Variants in ZAN observed in about 807,000 individuals in gnomAD.
ZAN encodes the protein zonadhesin (gene/pseudogene).
In ZAN, 260 loss-of-function variants were observed where a neutral mutation model predicts 286.2. That is an observed-to-expected ratio of 0.91 (90% confidence interval 0.82 to 1.01). The LOEUF (loss-of-function observed/expected upper bound fraction) is 1.01. ZAN is among the 50% of genes least tolerant of loss of function. The pLI is 0.00. For synonymous variants in ZAN, 1,368 were observed against 1,417.5 expected (o/e 0.97, Z 0.79); for missense variants, 3,410 against 3,639.2 (o/e 0.94, Z 1.62).
Position 100,767,050 on chromosome 7 carries a change from G to T in ZAN, c.4653G>T (p.Leu1551=), listed in dbSNP as rs1393597731. Residue 1551 remains leucine (L), a synonymous_variant, in exon 25 of 48, where the codon CTG becomes CTT. Transcript: ENST00000613979. ...TCTASGDPHY[L]TFDGALHHFM... ...CAGCCTCGGGTGACCCCCACTACCT[G>T]ACCTTCGATGGCGCCTTGCACCACT... 1 of 1,613,820 alleles carries T rather than the reference G, an allele frequency of 6.2e-7. No homozygotes were observed. The highest frequency in any genetic ancestry group is 8.5e-7 in the Non-Finnish European group (1 of 1,179,858).
rs1195520180 is a variant in ZAN, at chr7:100,794,221, C to A, written c.8088C>A (p.Val2696=). 1.2e-6 allele frequency: 2 copies of A among 1,612,586 alleles called. No homozygotes were observed. The highest frequency in any genetic ancestry group is 2.7e-5 in the African/African-American group (2 of 74,894). The change falls in exon 44 of 48, where the codon GTC becomes GTA. Residue 2696 remains valine (V), a synonymous_variant. Coordinates refer to ENST00000613979, the MANE Select transcript of ZAN (RefSeq NM_003386.3). ...CCTTCAGCTGCAGAGCGGGGGAGGT[C>A]TGCACCCTGGGGAACCACACCCAAG... ...CEPFSCRAGE[V]CTLGNHTQGC...
chr7:100,772,120 G>A (rs2116113390), intron 29 of ZAN, 100 bp downstream of exon 29: 1 of 1,342,446 alleles, frequency 7.4e-7, no homozygotes, highest in Admixed American at 2.9e-5. Flanking sequence ...TTGAGACGGA[G>A]TCTCACTCTG....
rs769893469 is a variant in ZAN at position 100,788,089 on chromosome 7, A to C, written c.7180A>C (p.Thr2394Pro). The change falls in exon 38 of 48, where the codon ACC becomes CCC. Residue 2394 changes from threonine (T) to proline (P), a missense_variant. Around this residue, in one of 7 missense-constraint regions of ZAN, gnomAD observed 1,289 missense variants for 1,314.3 expected, o/e 0.98. Transcript: ENST00000613979. ...SSIFLQEVIT[T>P]VYGYKVQLQA... Reference sequence around the variant, plus strand: ...CATCTTCTTGCAGGAAGTGATTACCACCGTCTACGGCTATAAAGTGCAGCT... The same window carrying C: ...CATCTTCTTGCAGGAAGTGATTACCCCCGTCTACGGCTATAAAGTGCAGCT... The C allele has an allele frequency of 6.4e-6, 10 of 1,574,254 alleles. No individual in the cohort carries two copies. The East Asian group carries it at 2.2e-4, about 35-fold the overall frequency.
rs764115734 is a variant in ZAN, at chr7:100,736,624, A to T, written c.248A>T (p.Asn83Ile). Residue 83 changes from asparagine to isoleucine, a missense_variant, in exon 4 of 48, where the codon AAC (asparagine) becomes ATC (isoleucine). Asn to Ile is a moderately radical substitution (Grantham distance 149). This residue lies in a region of ZAN where 872 missense variants were observed against 938.9 expected (regional missense o/e 0.93). Coordinates refer to ENST00000613979, the MANE Select transcript of ZAN (RefSeq NM_003386.3). ...ACCGGGGCCCCCGGGGGGTACCCTA[A>T]CGGAGGTGAGGGGCTATGGTTTCCA... ...GSTGAPGGYP[N>I]GEGSYLHMES... The T allele has an allele frequency of 1.3e-6, 2 of 1,522,394 alleles. No individual in the cohort carries two copies. The highest frequency in any genetic ancestry group is 3.5e-5 in the Admixed American group (2 of 57,474). 94.3% of individuals were successfully genotyped at this position (1,522,394 alleles called of 1,614,324 possible).
intron 23 of ZAN, among the ~76,000 whole-genome samples, 194 bp downstream of exon 23, chr7:100,765,748 A>C (rs1169277943): frequency 6.6e-6 from 1 of 152,038 alleles, no homozygotes; most frequent in East Asian, 1.9e-4. Flanking sequence ...TCCTGGGTTC[A>C]AGTGATTCTC....
In ZAN at chr7:100,739,909, C is replaced by T. The variant is rs191166035; in HGVS notation, c.766+1296C>T. Among the ~76,000 whole-genome samples the T allele has an allele frequency of 3.8e-4, 52 of 136,790 alleles. 14 individuals carry two copies. Among genetic ancestry groups the T allele is most frequent in the Non-Finnish European group, 6.0e-4 (37 of 61,412 alleles). The allele number at this position is 136,790 out of a possible 152,430, so 89.7% of individuals were successfully genotyped here. ...CTGACCTCAGGTGATCCGGCCACCT[C>T]GGCCTCCCAAAGTGCTGGGATTATA... On this transcript the variant is annotated intron_variant, in intron 7 of 47. Coordinates refer to ENST00000613979, the MANE Select transcript of ZAN (RefSeq NM_003386.3).
At chr7:100,767,579 G>T (rs1562939233) in intron 25 of ZAN, among the ~76,000 whole-genome samples, 1 of 146,410 alleles carries the variant, frequency 6.8e-6, no homozygotes, top group Admixed American at 7.1e-5. Context: ...GGGCTCAAGT[G>T]ATCCTCCCAC....
rs1158526891 is a variant in ZAN at position 100,750,680 on chromosome 7, C to T, written c.1305C>T (p.Val435=). 6.2e-7 allele frequency: 1 copy of T among 1,613,388 alleles called. No homozygotes were observed. Among genetic ancestry groups the T allele is most frequent in the Non-Finnish European group, 8.5e-7 (1 of 1,179,678 alleles). ...AGTTCTCCCAGGCAGGCCAGTCAGT[C>T]AGACTGGTGAGCCGGCCCTTCTGCG... ...ADEFSQAGQS[V]RLVSRPFCAP... The change falls in exon 12 of 48, where the codon GTC becomes GTT. Residue 435 remains valine, a synonymous_variant. Transcript: ENST00000613979.
rs1303496609 is a variant in ZAN at position 100,736,682 on chromosome 7, G to A, written c.253+53G>A. On this transcript the variant is annotated intron_variant, in intron 4 of 47. Coordinates refer to ENST00000613979, the MANE Select transcript of ZAN (RefSeq NM_003386.3). ...ATGAGCAGGGAGGTGGCTGGGAGGCGGGAGTGGCTAGATGGAGAGAGAAGG... is the reference window on the plus strand; with the variant it reads ...ATGAGCAGGGAGGTGGCTGGGAGGCAGGAGTGGCTAGATGGAGAGAGAAGG... 16 of 1,508,204 alleles carry A rather than the reference G, an allele frequency of 1.1e-5. 1 individual carries two copies. Among genetic ancestry groups the A allele is most frequent in the Middle Eastern group, 1.8e-4 (1 of 5,626 alleles). The allele number at this position is 1,508,204 out of a possible 1,614,324, so 93.4% of individuals were successfully genotyped here. A position where few individuals can be genotyped will look rare whatever the true frequency, so the allele number is the denominator to read the frequency against.
chr7:100,784,687 G>C lies in ZAN; in HGVS notation c.6687G>C (p.Trp2229Cys). ...TTCCCTCCTGCTCACCCTCCTGCTG[G>C]GACCTGGATGGCCGGTGTGAGGGCG... ...NCLPSCSPSC[W>C]DLDGRCEGAK... Residue 2229 changes from tryptophan to cysteine, a missense_variant, in exon 36 of 48, where the codon TGG becomes TGC. Transcript: ENST00000613979. 6.2e-7 allele frequency: 1 copy of C among 1,613,908 alleles called. No homozygotes were observed. The highest frequency in any genetic ancestry group is 8.5e-7 in the Non-Finnish European group (1 of 1,179,882).
chr7:100,747,471 C>A, intron 8 of ZAN, 79 bp from the exon 9 acceptor site: 1 of 1,201,758 alleles, frequency 8.3e-7, no homozygotes, highest in East Asian at 2.3e-5. Context: ...CCCTCTGCTC[C>A]TCATCCTCCT....
intron 15 of ZAN, among the ~76,000 whole-genome samples, chr7:100,757,033 G>A (rs181893280): frequency 8.5e-5 from 13 of 152,328 alleles, no homozygotes; most frequent in Non-Finnish European, 4.4e-5. Flanking sequence ...CTTCCAAAGT[G>A]TTGGGATTAC....
At chr7:100,748,607 C>T in intron 11 of ZAN, 137 bp downstream of exon 11, 2 of 1,212,606 alleles carry the variant, frequency 1.6e-6, no homozygotes, top group Non-Finnish European at 1.1e-6. Context: ...TCGGAAGTTT[C>T]CATGGTACTG....
At position 100,773,477 on chromosome 7, in the gene ZAN, C is replaced by T. The variant is rs2734880; in HGVS notation, c.5618C>T (p.Ala1873Val). 1.6e-3 allele frequency: 2,502 copies of T among 1,613,068 alleles called. 6 individuals are homozygous for T. Among genetic ancestry groups the T allele is most frequent in the Non-Finnish European group, 1.6e-3 (1,903 of 1,179,564 alleles). ...GGCCAGTGTGGCTGCACTGACCCAG[C>T]GGGCTCCTACCACCCGGTGAGAGGC... is the stretch of plus-strand genomic sequence containing the variant. ...PLGQCGCTDP[A>V]GSYHPVGERW... Residue 1873 changes from alanine to valine, a missense_variant, in exon 30 of 48, where the codon GCG (alanine) becomes GTG (valine). Physicochemically the swap from Ala to Val is moderately conservative, Grantham distance 64. Coordinates refer to ENST00000613979, the MANE Select transcript of ZAN (RefSeq NM_003386.3).
intron 28 of ZAN, among the ~76,000 whole-genome samples, chr7:100,771,062 C>T (rs1810338925): frequency 6.6e-6 from 1 of 152,098 alleles, no homozygotes; most frequent in African/African-American, 2.4e-5. Context: ...CCTTGGCCTC[C>T]CAAAGTGCTG....
Position 100,758,305 on chromosome 7 carries a change from G to T in ZAN, c.3413G>T (p.Cys1138Phe). ...TCTCAGTGTGGGACACACACCGTGT[G>T]CCAGCTTAAGAATGGCCAGTATGGA... ...QISQCGTHTV[C>F]QLKNGQYGCH... is the part of the protein sequence containing the mutation. Residue 1138 changes from cysteine to phenylalanine, a missense_variant, in exon 16 of 48, where the codon TGC becomes TTC. Physicochemically the swap from Cys to Phe is radical, Grantham distance 205 (BLOSUM62 -2). This residue lies in a region of ZAN where 1,042 missense variants were observed against 1,058.0 expected (regional missense o/e 0.98). Transcript: ENST00000613979. 6.2e-7 allele frequency: 1 copy of T among 1,613,350 alleles called. No individual in the cohort carries two copies. The highest frequency in any genetic ancestry group is 8.5e-7 in the Non-Finnish European group (1 of 1,179,874).
At chr7:100,772,252 T>G (rs314296) in intron 29 of ZAN, among the ~76,000 whole-genome samples, 1 of 149,916 alleles carries the variant, frequency 6.7e-6, no homozygotes, top group African/African-American at 2.5e-5. Flanking sequence ...GTCAACATGG[T>G]GAAACCCCGT....
In ZAN at chr7:100,776,479, G is replaced by A. The variant is rs776224819; in HGVS notation, c.6232G>A (p.Asp2078Asn). Reference sequence around the variant, plus strand: ...TGGGAACTTCAATGATGAGGAAGAGGACGAACTAATGATGCCCAGCGATGA... The same window carrying A: ...TGGGAACTTCAATGATGAGGAAGAGAACGAACTAATGATGCCCAGCGATGA... ...MCGNFNDEEE[D>N]ELMMPSDEVA... The change falls in exon 34 of 48, where the codon GAC becomes AAC. Residue 2078 changes from aspartate to asparagine, a missense_variant. By Grantham distance (23) the Asp-to-Asn change is conservative. Around this residue, in one of 7 missense-constraint regions of ZAN, gnomAD observed 1,289 missense variants for 1,314.3 expected, o/e 0.98. Transcript: ENST00000613979. 5.2e-5 allele frequency: 83 copies of A among 1,602,630 alleles called. No homozygotes were observed. Among genetic ancestry groups the A allele is most frequent in the Non-Finnish European group, 6.7e-5 (79 of 1,174,648 alleles).
intron 34 of ZAN, among the ~76,000 whole-genome samples, chr7:100,777,437 C>G (rs1810897731): frequency 6.6e-6 from 1 of 152,116 alleles, no homozygotes; most frequent in African/African-American, 2.4e-5. Context: ...TCACTGCAAC[C>G]TCTGCTTCCG....
Sources: gnomAD v4.1 joint callset for allele counts (sites outside exome capture counted in the v4.1 genomes callset) on GRCh38, gnomAD v4.1.1 for gene constraint, gnomAD v4.1.1 regional missense constraint, MANE v1.5 for transcripts, NCBI Gene and HGNC (gene_info 2026-07-23, HGNC 2026-07-21) for gene names.